The following SLC16A12 variants were observed in gnomAD, a reference collection of about 807,000 sequenced individuals.
SLC16A12 encodes the protein monocarboxylate transporter 12.
A neutral mutation model predicts 42.4 loss-of-function variants in SLC16A12; 17 were observed. The ratio of observed to expected loss-of-function variants is 0.40; its 90% confidence interval spans 0.27 to 0.60. The LOEUF is 0.60. SLC16A12 is among the 20% of genes least tolerant of loss of function. The pLI is 0.42. For missense variants in SLC16A12, 544 were observed against 623.0 expected (o/e 0.87, Z 1.35); for synonymous variants, 224 against 229.4 (o/e 0.98, Z 0.21).
At chr10:89,549,055 G>A (rs576349018) in intron 2 of SLC16A12, among the ~76,000 whole-genome samples, 1 of 152,184 alleles carries the variant, frequency 6.6e-6, no homozygotes, top group African/African-American at 2.4e-5. Context: ...GCTAACAACA[G>A]AAACACCAGA....
At chr10:89,470,128 A>T (rs1325655275) in intron 2 of SLC16A12, among the ~76,000 whole-genome samples, 1 of 152,168 alleles carries the variant, frequency 6.6e-6, no homozygotes, top group Non-Finnish European at 1.5e-5. Context: ...AGGGAATGAG[A>T]CATAAGCTCC....
intron 2 of SLC16A12, among the ~76,000 whole-genome samples, chr10:89,551,966 C>T (rs770665980): frequency 3.9e-5 from 6 of 152,196 alleles, no homozygotes; most frequent in Non-Finnish European, 4.4e-5. Context: ...GACAGAGTCT[C>T]GCCCTGTCGT....
chr10:89,535,387 A>G (rs1843637727), intron 1 of SLC16A12, 55 bp downstream of exon 1: 1 of 153,110 alleles, frequency 6.5e-6, no homozygotes, highest in African/African-American at 2.4e-5. Context: ...AGCTCCAACG[A>G]CAGCGCCAGC....
chr10:89,498,611 G>A (rs1842955356), intron 2 of SLC16A12, among the ~76,000 whole-genome samples: 1 of 152,170 alleles, frequency 6.6e-6, no homozygotes, highest in Non-Finnish European at 1.5e-5. Flanking sequence ...TCCGACTCGG[G>A]CAGACAGAAC....
intron 5 of SLC16A12, among the ~76,000 whole-genome samples, chr10:89,439,430 A>G (rs1052578103): frequency 2.0e-5 from 3 of 152,246 alleles, no homozygotes; most frequent in African/African-American, 7.2e-5. Flanking sequence ...ACAAAATTAA[A>G]TGAAGAACAT....
chr10:89,449,373 G>T (rs991806675), intron 3 of SLC16A12, among the ~76,000 whole-genome samples: 1 of 152,188 alleles, frequency 6.6e-6, no homozygotes, highest in Non-Finnish European at 1.5e-5. Flanking sequence ...CAAGGCTACA[G>T]TAACCAAAGC....
intron 2 of SLC16A12, among the ~76,000 whole-genome samples, chr10:89,503,611 GGTAA>G (rs1156893464): frequency 1.3e-5 from 2 of 152,230 alleles, no homozygotes; most frequent in Non-Finnish European, 2.9e-5. Context: ...GATGTGGACA[GGTAA>G]GTCAGAAGTA....
intron 2 of SLC16A12, among the ~76,000 whole-genome samples, chr10:89,520,062 G>A (rs1252024866): frequency 6.0e-5 from 9 of 151,194 alleles, no homozygotes; most frequent in Middle Eastern, 3.4e-3. Flanking sequence ...GCAGTGAGCC[G>A]AGATCGCGCC....
intron 2 of SLC16A12, among the ~76,000 whole-genome samples, chr10:89,503,893 C>T (rs1389480372): frequency 1.3e-5 from 2 of 152,114 alleles, no homozygotes; most frequent in African/African-American, 2.4e-5. Flanking sequence ...AGGAGGAAGT[C>T]GAGAGCAAGC....
At chr10:89,502,830 C>T (rs1843007740) in intron 2 of SLC16A12, among the ~76,000 whole-genome samples, 1 of 152,214 alleles carries the variant, frequency 6.6e-6, no homozygotes, top group Admixed American at 6.5e-5. Context: ...AATTCCCCAA[C>T]TTCATGTCAA....
chr10:89,525,220 CAAAAAAAAAAAAA>C (rs869295721), intron 2 of SLC16A12, among the ~76,000 whole-genome samples: 2 of 64,664 alleles, frequency 3.1e-5, no homozygotes, highest in African/African-American at 1.1e-4. Flanking sequence ...GACACCATAT[CAAAAAAAAAAAAA>C]AAAAAAAAAA....
intron 2 of SLC16A12, among the ~76,000 whole-genome samples, chr10:89,480,137 T>A (rs1482261430): frequency 1.3e-5 from 2 of 152,090 alleles, no homozygotes; most frequent in South Asian, 2.1e-4. Context: ...AATTCCAGGG[T>A]TTTTTTGCCA....
At chr10:89,436,799 GAA>G (rs1841792985) in intron 6 of SLC16A12, among the ~76,000 whole-genome samples, 1 of 144,652 alleles carries the variant, frequency 6.9e-6, no homozygotes, top group Admixed American at 6.9e-5. Flanking sequence ...GAAAGGAAAG[GAA>G]AGGAGGAAGG....
chr10:89,440,569 T>C (rs529825137), intron 5 of SLC16A12, among the ~76,000 whole-genome samples: 69 of 152,352 alleles, frequency 4.5e-4, no homozygotes, highest in African/African-American at 1.5e-3. Flanking sequence ...GAGTGATTTA[T>C]TGAATGTACA....
At chr10:89,461,965 A>G (rs569424949) in intron 3 of SLC16A12, among the ~76,000 whole-genome samples, 1 of 152,332 alleles carries the variant, frequency 6.6e-6, no homozygotes, top group South Asian at 2.1e-4. Flanking sequence ...TAGATGTTAC[A>G]TCCTTCCACA....
intron 2 of SLC16A12, among the ~76,000 whole-genome samples, chr10:89,549,267 A>C (rs1843757544): frequency 6.6e-6 from 1 of 152,262 alleles, no homozygotes; most frequent in African/African-American, 2.4e-5. Context: ...TAAGGCATCC[A>C]GATAAAGGAA....
chr10:89,465,384 G>A (rs953851433), intron 2 of SLC16A12, among the ~76,000 whole-genome samples: 2 of 152,156 alleles, frequency 1.3e-5, no homozygotes, highest in African/African-American at 4.8e-5. Flanking sequence ...GCAGCCTGAC[G>A]TAGCTATAAA....
intron 2 of SLC16A12, among the ~76,000 whole-genome samples, chr10:89,526,919 C>A (rs963987591): frequency 6.7e-6 from 1 of 150,206 alleles, no homozygotes; most frequent in Non-Finnish European, 1.5e-5. Flanking sequence ...AGAAAGGAGC[C>A]CAAAGCTGGA....
intron 2 of SLC16A12, among the ~76,000 whole-genome samples, chr10:89,552,135 C>T (rs1188112530): frequency 6.6e-6 from 1 of 152,036 alleles, no homozygotes; most frequent in Non-Finnish European, 1.5e-5. Flanking sequence ...AGGGTTTCAC[C>T]ATATTGGCCG....
Sources: gnomAD v4.1 joint callset for allele counts (sites outside exome capture counted in the v4.1 genomes callset) on GRCh38, gnomAD v4.1.1 for gene constraint, MANE v1.5 for transcripts, NCBI Gene and HGNC (gene_info 2026-07-23, HGNC 2026-07-21) for gene names.